Variants in ZNF831 observed in about 807,000 individuals in gnomAD.
ZNF831 encodes zinc finger protein 831.
Under a neutral mutation model 95.8 loss-of-function variants are expected in ZNF831, and 59 were observed. The ratio of observed to expected loss-of-function variants is 0.62; its 90% CI spans 0.50 to 0.77. The LOEUF (loss-of-function observed/expected upper bound fraction) is 0.77, where lower values mean the gene tolerates loss of function less well. ZNF831 is among the 30% of genes least tolerant of loss of function. ZNF831 has a pLI of 0.00. For missense variants in ZNF831, 2,205 were observed against 2,164.0 expected (o/e 1.02, Z -0.38); for synonymous variants, 961 against 925.5 (o/e 1.04, Z -0.70).
At chr20:59,213,406 A>C (rs1985473680) in intron 4 of ZNF831, among the ~76,000 whole-genome samples, 1 of 152,282 alleles carries the variant, frequency 6.6e-6, no homozygotes, top group South Asian at 2.1e-4. Context: ...AAATTGTGGT[A>C]TTGCGAATTA....
chr20:59,178,189 A>G (rs1458588024), intron 1 of ZNF831, among the ~76,000 whole-genome samples: 7 of 152,206 alleles, frequency 4.6e-5, no homozygotes, highest in Non-Finnish European at 1.0e-4. Flanking sequence ...TCACTTGGGC[A>G]TTATGAGTTG....
chr20:59,206,976 G>A lies in ZNF831; in HGVS notation c.3947G>A (p.Arg1316Gln), dbSNP rs146524649. 1.5e-3 allele frequency: 2,464 copies of A among 1,613,918 alleles called. 67 individuals carry two copies. The Admixed American group carries it at 0.038, about 25-fold the overall frequency. The change falls in exon 4 of 6, where the codon CGA (arginine) becomes CAA (glutamine). Residue 1316 changes from arginine to glutamine, a missense_variant. By Grantham distance (43) the Arg-to-Gln change is conservative. Transcript: ENST00000371030. ...ASRLRTPTWVRRRSRHPPALE... is the reference protein window; with the variant it reads ...ASRLRTPTWVQRRSRHPPALE... ...AGACTTCGCACACCAACCTGGGTGCGAAGAAGAAGCCGCCACCCTCCCGCA... is the reference window on the plus strand; with the variant it reads ...AGACTTCGCACACCAACCTGGGTGCAAAGAAGAAGCCGCCACCCTCCCGCA...
chr20:59,188,091 T>A (rs1464086646), intron 1 of ZNF831, among the ~76,000 whole-genome samples: 1 of 152,246 alleles, frequency 6.6e-6, no homozygotes, highest in African/African-American at 2.4e-5. Flanking sequence ...CTATTTTGAA[T>A]AAAGCTACTG....
In ZNF831 at chr20:59,193,387, C is replaced by T. The variant is rs1292156559; in HGVS notation, c.2368C>T (p.Arg790Ter). 1 of 1,604,152 alleles carries T rather than the reference C, an allele frequency of 6.2e-7. No individual in the cohort carries two copies. The highest frequency in any genetic ancestry group is 1.1e-5 in the South Asian group (1 of 89,262). ...WPDPKLEGGA[R>*]GVGDVQETCL... ...GGACCCCAAGCTGGAAGGAGGTGCC[C>T]GAGGTGTGGGGGATGTTCAGGAGAC... Residue 790 changes from arginine (R) to a stop codon, truncating the protein, a stop_gained, in exon 2 of 6, where the codon CGA (arginine) becomes TGA (stop). Transcript: ENST00000371030. LOFTEE classifies it high-confidence loss of function.
intron 4 of ZNF831, among the ~76,000 whole-genome samples, chr20:59,214,046 A>C (rs1364121223): frequency 1.3e-5 from 2 of 152,198 alleles, no homozygotes; most frequent in Non-Finnish European, 2.9e-5. Flanking sequence ...TAAGGGTACG[A>C]TTTGTTTATA....
At chr20:59,226,584 A>G (rs1006360924) in intron 4 of ZNF831, among the ~76,000 whole-genome samples, 1 of 151,496 alleles carries the variant, frequency 6.6e-6, no homozygotes. Context: ...AAAGACTGAA[A>G]ATTTTGGGGC....
rs773666903 is a variant in ZNF831 at position 59,192,144 on chromosome 20, G to A, written c.1125G>A (p.Gly375=). The A allele has an allele frequency of 6.4e-7, 1 of 1,564,678 alleles. No individual in the cohort carries two copies. The highest frequency in any genetic ancestry group is 2.3e-5 in the East Asian group (1 of 43,986). The part of the protein sequence containing the change: ...SLSEHSAESE[G]EGGPGPGPGV... ...CGGAGCACAGCGCCGAGTCCGAGGG[G>A]GAGGGCGGCCCGGGCCCGGGGCCAG... The change falls in exon 2 of 6, where the codon GGG becomes GGA. Residue 375 remains glycine (G), a synonymous_variant. Transcript: ENST00000371030. The surrounding 1 kb of genome is among the most constrained non-coding windows in gnomAD (Gnocchi z 5.2).
chr20:59,189,068 C>T (rs928501613), intron 1 of ZNF831, among the ~76,000 whole-genome samples: 1 of 152,060 alleles, frequency 6.6e-6, no homozygotes, highest in Non-Finnish European at 1.5e-5. Flanking sequence ...GTAATCCCAG[C>T]TACTCAGGAG....
intron 4 of ZNF831, among the ~76,000 whole-genome samples, chr20:59,241,604 A>AT (rs1189477182): frequency 2.0e-5 from 3 of 152,228 alleles, no homozygotes; most frequent in Non-Finnish European, 4.4e-5. Context: ...GAAAGCGTAG[A>AT]TTCTTGAGTA....
At chr20:59,231,608 T>C (rs952728140) in intron 4 of ZNF831, among the ~76,000 whole-genome samples, 19 of 152,284 alleles carry the variant, frequency 1.2e-4, no homozygotes, top group African/African-American at 4.6e-4. Context: ...GTTTCAAGAG[T>C]CTTATGCCTA....
At chr20:59,214,313 T>C (rs1206338669) in intron 4 of ZNF831, among the ~76,000 whole-genome samples, 1 of 152,218 alleles carries the variant, frequency 6.6e-6, no homozygotes, top group Non-Finnish European at 1.5e-5. Flanking sequence ...TTAAGCAAGA[T>C]AGTGGAGTTG....
chr20:59,157,367 A>T (rs997128803), intron 2 of ZNF831, among the ~76,000 whole-genome samples: 6 of 152,304 alleles, frequency 3.9e-5, no homozygotes, highest in African/African-American at 1.4e-4. Context: ...GGGAAGAGGG[A>T]AATGAGGCTA....
intron 4 of ZNF831, among the ~76,000 whole-genome samples, chr20:59,249,849 A>G (rs1987796387): frequency 6.6e-6 from 1 of 152,162 alleles, no homozygotes; most frequent in Non-Finnish European, 1.5e-5. Flanking sequence ...AACAACCAAC[A>G]AGAGGTTAGT....
chr20:59,192,186 G>A lies in ZNF831; in HGVS notation c.1167G>A (p.Glu389=), dbSNP rs368401983. The A allele has an allele frequency of 5.7e-6, 9 of 1,570,132 alleles. No homozygotes were observed. Among genetic ancestry groups the A allele is most frequent in the Non-Finnish European group, 6.9e-6 (8 of 1,160,384 alleles). Residue 389 remains glutamate (E), a synonymous_variant, in exon 2 of 6, where the codon GAG becomes GAA. Transcript: ENST00000371030. This position sits in a 1 kb window ranked among gnomAD's most constrained non-coding sequence, Gnocchi z 5.2. Reference sequence around the variant, plus strand: ...CGGGGCCAGGGGTCGCAGGGGCCGAGCCCGGGGCGCGAGAAGCCGGCCTGG... The same window carrying A: ...CGGGGCCAGGGGTCGCAGGGGCCGAACCCGGGGCGCGAGAAGCCGGCCTGG... The part of the protein sequence containing the change: ...PGPGPGVAGA[E]PGAREAGLEL...
chr20:59,151,757 G>A (rs1980252209), intron 2 of ZNF831, among the ~76,000 whole-genome samples: 1 of 152,204 alleles, frequency 6.6e-6, no homozygotes. Context: ...AGAGTTAGTA[G>A]GTTTGCCTCA....
At chr20:59,203,568 A>ATATT (rs2146628615) in intron 3 of ZNF831, among the ~76,000 whole-genome samples, 1 of 152,336 alleles carries the variant, frequency 6.6e-6, no homozygotes, top group Non-Finnish European at 1.5e-5. Context: ...AAAGTCTAAA[A>ATATT]TATTTATTAG....
rs758231474 is a variant in ZNF831, at chr20:59,191,214, G to C, written c.195G>C (p.Thr65=). The C allele has an allele frequency of 2.6e-6, 4 of 1,563,314 alleles. No individual in the cohort carries two copies. The highest frequency in any genetic ancestry group is 1.2e-5 in the South Asian group (1 of 84,178). The change falls in exon 2 of 6, where the codon ACG becomes ACC. Residue 65 remains threonine (T), a synonymous_variant. Coordinates refer to ENST00000371030, the MANE Select transcript of ZNF831 (RefSeq NM_178457.3). ...CCCTGCCCATCCCACTGTACCACAC[G>C]GTGCCTCCCGGGGGCCTCCAGCCCC... ...LKALPIPLYH[T]VPPGGLQPRA...
intron 1 of ZNF831, among the ~76,000 whole-genome samples, chr20:59,185,029 G>A (rs2092879435): frequency 6.6e-6 from 1 of 152,138 alleles, no homozygotes; most frequent in South Asian, 2.1e-4. Flanking sequence ...ACAGGGTGAG[G>A]GCTTGGCATT....
intron 2 of ZNF831, among the ~76,000 whole-genome samples, chr20:59,147,322 C>T (rs1979922477): frequency 6.6e-6 from 1 of 152,158 alleles, no homozygotes; most frequent in Non-Finnish European, 1.5e-5. Flanking sequence ...TCTGAAGGGC[C>T]CTCGCGTGTC....
Sources: allele counts gnomAD v4.1 joint callset (sites outside exome capture counted in the v4.1 genomes callset), GRCh38; gene constraint gnomAD v4.1.1; non-coding constraint Gnocchi (gnomAD v3.1); transcripts MANE v1.5; gene names NCBI Gene and HGNC (gene_info 2026-07-23, HGNC 2026-07-21).